The following ITFG2 variants were observed in gnomAD, a reference collection of about 807,000 sequenced individuals.
ITFG2 encodes the protein integrin alpha FG-GAP repeat containing 2, also known as KICSTOR complex protein ITFG2.
Under a neutral mutation model 54.4 loss-of-function variants are expected in ITFG2, and 36 were observed. That is an observed-to-expected ratio of 0.66 (90% CI 0.51 to 0.87). ITFG2 has a LOEUF of 0.87. Ranked by LOEUF, ITFG2 falls within the 40% of genes least tolerant of loss-of-function variation. The pLI is 0.00. For synonymous variants in ITFG2, 211 were observed against 225.4 expected (o/e 0.94, Z 0.57); for missense variants, 524 against 576.7 (o/e 0.91, Z 0.94).
intron 1 of ITFG2, 110 bp downstream of exon 1, chr12:2,812,966 G>A: frequency 1.1e-6 from 1 of 895,844 alleles, no homozygotes; most frequent in Non-Finnish European, 1.8e-6. Flanking sequence ...TGCGCGCTGT[G>A]GCTAGTTTGG....
intron 1 of ITFG2, among the ~76,000 whole-genome samples, chr12:2,837,656 A>C (rs938803162): frequency 2.0e-5 from 3 of 152,034 alleles, no homozygotes; most frequent in African/African-American, 7.2e-5. Context: ...AACCCAAAAA[A>C]CAAAAACAAA....
At chr12:2,859,098 G>A (rs2098101523) in intron 3 of ITFG2, 2 of 1,607,022 alleles carry the variant, frequency 1.2e-6, no homozygotes, top group Non-Finnish European at 1.7e-6. Context: ...TTTGCTCGGG[G>A]TGGAGGAGAT....
chr12:2,815,815 A>C (rs1442601629), intron 1 of ITFG2, among the ~76,000 whole-genome samples: 1 of 152,188 alleles, frequency 6.6e-6, no homozygotes, highest in East Asian at 1.9e-4. Context: ...ACACACCCCT[A>C]AATGGAAATA....
In ITFG2 at chr12:2,857,067, A is replaced by C. The variant is rs1603496703; in HGVS notation, n.301-945A>C. The stretch of plus-strand genomic sequence containing the variant: ...AGCCAGGAGGGGCGGCTTTGTGGGG[A>C]AGCCCTTTCTGGCACCATTGTTTAC... On this transcript the variant is annotated intron_variant and non_coding_transcript_variant, in intron 2 of 3. Coordinates refer to the ITFG2 transcript ENST00000537710. The C allele has an allele frequency of 4.3e-6, 3 of 702,748 alleles. No individual in the cohort carries two copies. The East Asian group carries it at 8.0e-5, about 19-fold the overall frequency. The allele number at this position is 702,748 out of a possible 1,614,324, so 43.5% of individuals were successfully genotyped here.
chr12:2,821,875 A>T (rs2097946098), intron 9 of ITFG2, 83 bp downstream of exon 9: 1 of 1,025,326 alleles, frequency 9.8e-7, no homozygotes, highest in East Asian at 2.4e-5. Flanking sequence ...GGCTATTCTC[A>T]CATCCCAGGG....
At chr12:2,816,492 G>A (rs1423068022) in intron 1 of ITFG2, among the ~76,000 whole-genome samples, 3 of 151,740 alleles carry the variant, frequency 2.0e-5, no homozygotes, top group Admixed American at 1.3e-4. Flanking sequence ...ACCATGCCCG[G>A]CTAATTTTTT....
chr12:2,847,705 C>T lies in ITFG2; in HGVS notation n.300+6710C>T, dbSNP rs375109930. On this transcript the variant is annotated intron_variant and non_coding_transcript_variant, in intron 2 of 3. Transcript: ENST00000537710. ...AGCCCCCCAAAAAAATCACTGACTC[C>T]CCATGCCCTTCCTCCAAGCCCCTGA... Among the ~76,000 whole-genome samples, 3 of 151,666 alleles carry T rather than the reference C, an allele frequency of 2.0e-5. No individual in the cohort carries two copies. The East Asian group carries it at 5.8e-4, about 29-fold the overall frequency.
At chr12:2,823,573 A>G (rs950444229) in intron 10 of ITFG2, among the ~76,000 whole-genome samples, 197 bp from the exon 11 acceptor site, 2 of 152,178 alleles carry the variant, frequency 1.3e-5, no homozygotes, top group Non-Finnish European at 2.9e-5. Context: ...GTTTTTCTAC[A>G]TCTGAAGTGA....
At chr12:2,854,917 T>C (rs965357700) in intron 2 of ITFG2, 11 of 1,534,822 alleles carry the variant, frequency 7.2e-6, no homozygotes, top group Non-Finnish European at 9.6e-6. Context: ...CGCTGGCGGC[T>C]GGATGTTGCC....
intron 2 of ITFG2, among the ~76,000 whole-genome samples, chr12:2,842,655 G>T (rs549331320): frequency 6.6e-6 from 1 of 152,052 alleles, no homozygotes; most frequent in East Asian, 2.0e-4. Flanking sequence ...TTGCTTGAGC[G>T]CAGGAGGTAG....
At chr12:2,829,324 TAC>T (rs1324883078), downstream of ITFG2, among the ~76,000 whole-genome samples, 1 of 152,246 alleles carries the variant, frequency 6.6e-6, no homozygotes, top group Non-Finnish European at 1.5e-5. Flanking sequence ...CGCTTGGATA[TAC>T]ACACACATCG....
downstream of ITFG2, among the ~76,000 whole-genome samples, chr12:2,829,324 T>G (rs1363981492): frequency 1.3e-5 from 2 of 152,246 alleles, no homozygotes; most frequent in Non-Finnish European, 2.9e-5. Context: ...CGCTTGGATA[T>G]ACACACACAT....
chr12:2,818,496 A>C, intron 4 of ITFG2: 1 of 803,378 alleles, frequency 1.2e-6, no homozygotes, highest in Non-Finnish European at 1.9e-6. Flanking sequence ...ATTATGAAGA[A>C]ACAGAAAAGA....
At chr12:2,849,438 G>T in intron 2 of ITFG2, 1 of 1,536,188 alleles carries the variant, frequency 6.5e-7, no homozygotes. Flanking sequence ...GGCAGGGCCA[G>T]CTCCTGGCGA....
chr12:2,855,566 G>T, intron 2 of ITFG2: 1 of 749,060 alleles, frequency 1.3e-6, no homozygotes, highest in South Asian at 3.3e-5. Context: ...TTCTCATGAG[G>T]ACGCAGAAGT....
upstream of ITFG2, chr12:2,835,156 C>CGTTTGT: frequency 6.2e-6 from 8 of 1,299,356 alleles, no homozygotes; most frequent in African/African-American, 6.6e-5. Flanking sequence ...GTGGATGGGG[C>CGTTTGT]GTATGTGTGT....
intron 3 of ITFG2, 68 bp from the exon 4 acceptor site, chr12:2,818,038 C>A: frequency 6.2e-7 from 1 of 1,608,994 alleles, no homozygotes; most frequent in Non-Finnish European, 8.5e-7. Flanking sequence ...CCTCTGTGAT[C>A]TGATGATCAG....
At chr12:2,856,885 C>T in intron 2 of ITFG2, 3 of 699,384 alleles carry the variant, frequency 4.3e-6, no homozygotes, top group Non-Finnish European at 7.8e-6. Flanking sequence ...AAGCCTGGCC[C>T]ACTATAAGGG....
chr12:2,812,968 C>G, intron 1 of ITFG2, 112 bp downstream of exon 1: 1 of 883,430 alleles, frequency 1.1e-6, no homozygotes, highest in South Asian at 1.4e-5. Context: ...CGCGCTGTGG[C>G]TAGTTTGGAG....
Sources: allele counts gnomAD v4.1 joint callset (sites outside exome capture counted in the v4.1 genomes callset), GRCh38; gene constraint gnomAD v4.1.1; transcripts MANE v1.5; gene names NCBI Gene and HGNC (gene_info 2026-07-23, HGNC 2026-07-21).